The following FAM178B variants were observed in gnomAD, a reference collection of about 807,000 sequenced individuals.
FAM178B encodes the protein protein FAM178B.
FAM178B carries 82 observed loss-of-function variants against 91.7 expected under a neutral mutation model. That is an observed-to-expected ratio of 0.89 (90% CI 0.75 to 1.07). FAM178B has a LOEUF of 1.07. Among genes scored for constraint, FAM178B ranks in the 50% least tolerant of loss-of-function variants. FAM178B has a pLI of 0.00. For missense variants in FAM178B, 769 were observed against 846.7 expected (o/e 0.91, Z 1.14); for synonymous variants, 368 against 359.4 (o/e 1.02, Z -0.27).
chr2:96,888,236 T>G (rs1341003991), intron 14 of FAM178B, among the ~76,000 whole-genome samples: 1 of 152,224 alleles, frequency 6.6e-6, no homozygotes, highest in Non-Finnish European at 1.5e-5. Context: ...AACCACAGAT[T>G]AGACAGGAGA....
intron 9 of FAM178B, among the ~76,000 whole-genome samples, chr2:96,925,659 C>A (rs2081425713): frequency 1.3e-5 from 2 of 152,144 alleles, no homozygotes; most frequent in Admixed American, 6.5e-5. Flanking sequence ...AGCAGCTTCA[C>A]TGGTCCCACG....
At chr2:96,958,588 G>A (rs2082034320) in intron 6 of FAM178B, among the ~76,000 whole-genome samples, 1 of 151,388 alleles carries the variant, frequency 6.6e-6, no homozygotes, top group South Asian at 2.1e-4. Flanking sequence ...CACTCAGCAG[G>A]CTGAGGTGGG....
chr2:96,977,452 ATTTTT>A (rs558867160), intron 1 of FAM178B, among the ~76,000 whole-genome samples: 2 of 135,414 alleles, frequency 1.5e-5, no homozygotes, highest in Admixed American at 7.5e-5. Context: ...CCTTTTGGGA[ATTTTT>A]TTTTTTTTTT....
Position 96,923,505 on chromosome 2 carries a change from C to T in FAM178B, c.1272G>A (p.Leu424=). Residue 424 remains leucine, a synonymous_variant, in exon 10 of 17, where the codon CTG becomes CTA. Coordinates refer to ENST00000490605, the MANE Select transcript of FAM178B (RefSeq NM_001122646.3). ...CTTGACTCACCTTGTAGATGTGGCC[C>T]AGGCTGATGTCCAAGGCAATCTCTT... is the stretch of plus-strand genomic sequence containing the variant. ...APQEIALDIS[L]GHIYKFLALC... 6.4e-7 allele frequency: 1 copy of T among 1,551,554 alleles called. No individual in the cohort carries two copies.
intron 12 of FAM178B, among the ~76,000 whole-genome samples, chr2:96,904,640 T>C (rs62152903): frequency 0.12 from 18,226 of 147,026 alleles, 1,194 homozygotes; most frequent in Middle Eastern, 0.23. Flanking sequence ...GTGATCCAAC[T>C]GCCCTGGCCT....
intron 13 of FAM178B, among the ~76,000 whole-genome samples, chr2:96,901,296 C>G (rs182259713): frequency 3.3e-5 from 5 of 151,962 alleles, no homozygotes; most frequent in Non-Finnish European, 7.4e-5. Context: ...TCTCAGTCTC[C>G]CGAGTAGCTG....
At chr2:96,894,971 G>T in intron 13 of FAM178B, 1 of 1,080,480 alleles carries the variant, frequency 9.3e-7, no homozygotes, top group Non-Finnish European at 1.2e-6. Flanking sequence ...ACCCTCCCTT[G>T]CATCCCTCTC....
chr2:96,970,609 C>G (rs977709806), intron 4 of FAM178B, 107 bp downstream of exon 4: 1 of 842,212 alleles, frequency 1.2e-6, no homozygotes, highest in Non-Finnish European at 1.9e-6. Flanking sequence ...CAGGCTGAGT[C>G]TGGGTGGGAG....
intron 8 of FAM178B, among the ~76,000 whole-genome samples, chr2:96,932,767 GTC>G (rs1425029021): frequency 1.3e-5 from 2 of 151,362 alleles, no homozygotes; most frequent in African/African-American, 4.9e-5. Context: ...GTGAAACCCT[GTC>G]TCTACTAAAA....
chr2:96,928,553 G>A (rs554112640), intron 9 of FAM178B, among the ~76,000 whole-genome samples: 3 of 152,148 alleles, frequency 2.0e-5, no homozygotes, highest in Non-Finnish European at 2.9e-5. Context: ...GTTCCTGAGT[G>A]GATATTAGGT....
rs2082428394 is a variant in FAM178B at position 96,986,555 on chromosome 2, A to C, written c.-242T>G. On this transcript the variant is annotated 5_prime_UTR_variant, in exon 1 of 17. Coordinates refer to ENST00000490605, the MANE Select transcript of FAM178B (RefSeq NM_001122646.3). ...CCAGCTCACAGCCGCCGCCGCCGCC[A>C]GCTGGGGAGCTCGCCGGCCAAGTGC... 3.9e-6 allele frequency: 2 copies of C among 514,256 alleles called. No homozygotes were observed. Among genetic ancestry groups the C allele is most frequent in the Non-Finnish European group, 3.5e-6 (1 of 289,202 alleles). The allele number at this position is 514,256 out of a possible 1,614,324, so 31.9% of individuals were successfully genotyped here.
chr2:96,957,712 C>T (rs1160587695), intron 6 of FAM178B, among the ~76,000 whole-genome samples: 1 of 152,226 alleles, frequency 6.6e-6, no homozygotes, highest in African/African-American at 2.4e-5. Flanking sequence ...AGTTCCTGCC[C>T]AGACATTCTT....
chr2:96,915,506 C>T (rs1162471450), intron 12 of FAM178B, among the ~76,000 whole-genome samples: 10 of 151,844 alleles, frequency 6.6e-5, no homozygotes, highest in African/African-American at 1.7e-4. Context: ...GCTTGGAGGC[C>T]GACAGGGTCT....
At chr2:96,900,434 C>T (rs1465520497) in intron 13 of FAM178B, among the ~76,000 whole-genome samples, 1 of 152,192 alleles carries the variant, frequency 6.6e-6, no homozygotes, top group South Asian at 2.1e-4. Flanking sequence ...CCGGGGTGTG[C>T]CAGGCACCGC....
chr2:96,883,546 G>A (rs1198557843), intron 14 of FAM178B, among the ~76,000 whole-genome samples: 4 of 152,244 alleles, frequency 2.6e-5, no homozygotes, highest in Non-Finnish European at 4.4e-5. Context: ...GGTGGGGAAG[G>A]CAGACCTGTT....
intron 8 of FAM178B, among the ~76,000 whole-genome samples, chr2:96,941,544 A>G (rs979323883): frequency 5.3e-5 from 8 of 152,240 alleles, no homozygotes; most frequent in Non-Finnish European, 8.8e-5. Flanking sequence ...AGGGAAAAGC[A>G]TGATCAAGTG....
intron 14 of FAM178B, among the ~76,000 whole-genome samples, chr2:96,884,853 T>C (rs114615319): frequency 0.017 from 2,604 of 152,286 alleles, 79 homozygotes; most frequent in African/African-American, 0.06. Flanking sequence ...GCAAGCTGAC[T>C]TGGGAAGTGA....
chr2:96,881,270 CAAAAAAAAAAA>C (rs1168855038), intron 14 of FAM178B, among the ~76,000 whole-genome samples: 1 of 64,380 alleles, frequency 1.6e-5, no homozygotes, highest in South Asian at 5.7e-4. Flanking sequence ...AAGCTGGTCT[CAAAAAAAAAAA>C]AAAAAAAAAA....
At chr2:96,891,450 G>A (rs1198141837) in intron 14 of FAM178B, among the ~76,000 whole-genome samples, 1 of 152,202 alleles carries the variant, frequency 6.6e-6, no homozygotes, top group Non-Finnish European at 1.5e-5. Context: ...GCAGGAGAGC[G>A]AACAGCGAAT....
Sources: allele counts gnomAD v4.1 joint callset (sites outside exome capture counted in the v4.1 genomes callset), GRCh38; gene constraint gnomAD v4.1.1; transcripts MANE v1.5; gene names NCBI Gene and HGNC (gene_info 2026-07-23, HGNC 2026-07-21).